DROSHA: variants seen among roughly 807,000 people sequenced by gnomAD.
DROSHA encodes the protein drosha ribonuclease III.
Under a neutral mutation model 181.9 loss-of-function variants are expected in DROSHA, and 56 were observed. The observed-to-expected ratio is 0.31, with a 90% CI of 0.25 to 0.38. DROSHA has a LOEUF of 0.38. Ranked by LOEUF, DROSHA falls within the 10% of genes least tolerant of loss-of-function variation. The pLI, the probability that DROSHA is intolerant of heterozygous loss-of-function variation, is 1.00. For synonymous variants in DROSHA, 524 were observed against 591.2 expected (o/e 0.89, Z 1.65); for missense variants, 1,218 against 1,743.5 (o/e 0.70, Z 5.37).
chr5:31,410,979 C>T, intron 30 of DROSHA, 92 bp from the exon 31 acceptor site: 1 of 1,548,686 alleles, frequency 6.5e-7, no homozygotes, highest in South Asian at 1.2e-5. Context: ...GAGAGGCTGT[C>T]ACTGACAGGG....
chr5:31,449,388 T>C lies in DROSHA; in HGVS notation c.2714A>G (p.Asn905Ser), dbSNP rs886369396. 1.9e-6 allele frequency: 3 copies of C among 1,595,344 alleles called. No individual in the cohort carries two copies. Among genetic ancestry groups the C allele is most frequent in the Non-Finnish European group, 2.6e-6 (3 of 1,170,108 alleles). ...LAMTHPSHHL[N>S]FGMNPDHARN... is the part of the protein sequence containing the mutation. ...GGCATGATCAGGATTCATTCCAAAATTTAAATGATGACTTGGATGAGTCAT... is the reference window on the plus strand; with the variant it reads ...GGCATGATCAGGATTCATTCCAAAACTTAAATGATGACTTGGATGAGTCAT... Residue 905 changes from asparagine to serine, a missense_variant, in exon 22 of 36, where the codon AAT (asparagine) becomes AGT (serine). This residue lies in a region of DROSHA where 460 missense variants were observed against 774.2 expected (regional missense o/e 0.59). Coordinates refer to ENST00000344624, the MANE Select transcript of DROSHA (RefSeq NM_001382508.1).
At chr5:31,454,137 A>C (rs1034663652) in intron 20 of DROSHA, among the ~76,000 whole-genome samples, 5 of 152,190 alleles carry the variant, frequency 3.3e-5, no homozygotes, top group Admixed American at 6.5e-5. Context: ...AAGAAACTCA[A>C]AATTAACAAC....
At chr5:31,495,091 GA>G (rs1360995271) in intron 12 of DROSHA, among the ~76,000 whole-genome samples, 194 bp downstream of exon 12, 1 of 151,982 alleles carries the variant, frequency 6.6e-6, no homozygotes, top group African/African-American at 2.4e-5. Context: ...AATATTTAAT[GA>G]AAAAAAGATA....
In DROSHA at chr5:31,401,228, T is replaced by G; in HGVS notation, c.*204A>C. On this transcript the variant is annotated 3_prime_UTR_variant, in exon 36 of 36. Transcript: ENST00000344624. ...ACATTCACCAAAGTCAAGTTTTCCG[T>G]TAAATAGAAGAAAAATCTAATACTT... The G allele has an allele frequency of 1.6e-6, 1 of 626,964 alleles. No homozygotes were observed. The highest frequency in any genetic ancestry group is 2.6e-6 in the Non-Finnish European group (1 of 377,390). 38.8% of individuals were successfully genotyped at this position (626,964 alleles called of 1,614,324 possible).
At chr5:31,452,460 G>A (rs930126581) in intron 20 of DROSHA, among the ~76,000 whole-genome samples, 1 of 152,044 alleles carries the variant, frequency 6.6e-6, no homozygotes, top group African/African-American at 2.4e-5. Flanking sequence ...ATTCCTTATT[G>A]GGAGATAATT....
At position 31,509,695 on chromosome 5, in the gene DROSHA, C is replaced by T. The variant is rs1738436044; in HGVS notation, c.1433-920G>A. On this transcript the variant is annotated intron_variant, in intron 9 of 35. Transcript: ENST00000344624. ...GACCAAAGACTTGACATTTCTTTTC[C>T]CTCAATAACAGCAAGAGAAGGTGTT... 2.6e-5 allele frequency among the ~76,000 whole-genome samples: 4 copies of T among 152,216 alleles called. No individual in the cohort carries two copies. The East Asian group carries it at 5.8e-4, about 22-fold the overall frequency.
intron 8 of DROSHA, among the ~76,000 whole-genome samples, chr5:31,511,698 TA>T (rs111259754): frequency 1.8e-3 from 258 of 143,694 alleles, no homozygotes; most frequent in African/African-American, 5.0e-3. Flanking sequence ...AGACCTCATC[TA>T]AAAAAAAAAA....
intron 27 of DROSHA, among the ~76,000 whole-genome samples, chr5:31,426,587 G>C (rs919416334): frequency 6.6e-6 from 1 of 152,118 alleles, no homozygotes; most frequent in African/African-American, 2.4e-5. Flanking sequence ...TGGCAAATCA[G>C]TAGAGAGTGA....
chr5:31,475,096 C>T (rs80138165), intron 16 of DROSHA, among the ~76,000 whole-genome samples: 2,024 of 152,206 alleles, frequency 0.013, 50 homozygotes, highest in African/African-American at 0.046. Flanking sequence ...GGTGAGCAGA[C>T]TGCTTGAGCT....
rs1744946091 is a variant in DROSHA at position 31,437,136 on chromosome 5, T to C, written c.2942+103A>G. On this transcript the variant is annotated intron_variant, in intron 24 of 35. Coordinates refer to ENST00000344624, the MANE Select transcript of DROSHA (RefSeq NM_001382508.1). ...CAAAAGAGATAAAATACACGGTGTA[T>C]CAATGCCTTATTTGGCTAATTACAA... 4.1e-6 allele frequency: 5 copies of C among 1,230,116 alleles called. No individual in the cohort carries two copies. In the South Asian group the frequency reaches 4.1e-5, roughly 10 times the overall value. 76.2% of individuals were successfully genotyped at this position (1,230,116 alleles called of 1,614,324 possible).
intron 23 of DROSHA, among the ~76,000 whole-genome samples, chr5:31,447,863 G>T (rs566842802): frequency 2.6e-4 from 40 of 152,248 alleles, no homozygotes; most frequent in African/African-American, 9.1e-4. Context: ...AACAAGTGTT[G>T]ACAAAAATGT....
chr5:31,508,880 G>A (rs900472480), intron 9 of DROSHA, 105 bp from the exon 10 acceptor site: 2 of 1,305,102 alleles, frequency 1.5e-6, no homozygotes, highest in Admixed American at 2.4e-5. Context: ...CTGGAGTGCA[G>A]TGCGCGATCT....
intron 6 of DROSHA, among the ~76,000 whole-genome samples, chr5:31,520,462 G>A (rs1739765246): frequency 1.3e-5 from 2 of 151,942 alleles, no homozygotes; most frequent in South Asian, 4.2e-4. Context: ...TATATACATA[G>A]TTACCATTTA....
intron 35 of DROSHA, among the ~76,000 whole-genome samples, chr5:31,404,265 GA>G (rs1445805201): frequency 6.6e-6 from 1 of 151,936 alleles, no homozygotes; most frequent in Non-Finnish European, 1.5e-5. Flanking sequence ...TTTTATAGTT[GA>G]AAACAAACAA....
At chr5:31,467,291 A>AAC (rs1561207158) in intron 18 of DROSHA, 1 of 90,356 alleles carries the variant, frequency 1.1e-5, no homozygotes, top group Non-Finnish European at 2.9e-5. Context: ...AATCCTTTTT[A>AAC]AAAAAAAAAA....
chr5:31,516,343 C>A (rs1334211142), intron 6 of DROSHA, among the ~76,000 whole-genome samples: 2 of 152,180 alleles, frequency 1.3e-5, no homozygotes, highest in Admixed American at 6.5e-5. Flanking sequence ...GAGAATCCAG[C>A]TAAGTAGAAA....
At position 31,517,256 on chromosome 5, in the gene DROSHA, A is replaced by G. The variant is rs149636367; in HGVS notation, c.948-1692T>C. Among the ~76,000 whole-genome samples the G allele has an allele frequency of 6.5e-3, 990 of 152,294 alleles. 15 individuals are homozygous for G. Among genetic ancestry groups the G allele is most frequent in the African/African-American group, 0.023 (936 of 41,574 alleles). On this transcript the variant is annotated intron_variant, in intron 6 of 35. Transcript: ENST00000344624. ...AAGATAACTGTCCTCCCTCTGTCAT[A>G]TGCATTGTAACCGTTTCCAGTTTCT...
chr5:31,500,752 C>A (rs150025460), intron 11 of DROSHA, among the ~76,000 whole-genome samples: 186 of 152,256 alleles, frequency 1.2e-3, no homozygotes, highest in African/African-American at 4.2e-3. Context: ...TGACAGAATC[C>A]TGAAACAAGA....
intron 10 of DROSHA, among the ~76,000 whole-genome samples, chr5:31,505,530 A>AAGC (rs1737828951): frequency 6.6e-6 from 1 of 152,154 alleles, no homozygotes; most frequent in Non-Finnish European, 1.5e-5. Context: ...AGACCAAAAG[A>AAGC]AGCAGAACTA....
Sources: allele counts gnomAD v4.1 joint callset (sites outside exome capture counted in the v4.1 genomes callset), GRCh38; gene constraint gnomAD v4.1.1; regional missense constraint gnomAD v4.1.1; transcripts MANE v1.5; gene names NCBI Gene and HGNC (gene_info 2026-07-23, HGNC 2026-07-21).